FAM47A: variants seen among roughly 807,000 people sequenced by gnomAD.
FAM47A encodes the protein family with sequence similarity 47 member A.
FAM47A carries 1 observed loss-of-function variant against 2.6 expected under a neutral mutation model. The observed-to-expected ratio is 0.39, with a 90% CI of 0.14 to 1.83. The LOEUF is 1.83. Among genes scored for constraint, FAM47A ranks in the 40% most tolerant of loss-of-function variants. The probability of loss-of-function intolerance (pLI) is 0.32; values close to 1 mark genes in which losing one functional copy is unlikely to be tolerated. For missense variants in FAM47A, 657 were observed against 673.1 expected (o/e 0.98, Z 0.26); for synonymous variants, 278 against 270.1 (o/e 1.03, Z -0.29).
In FAM47A at chrX:34,131,387, A is replaced by G. The variant is rs1371093696; in HGVS notation, c.892T>C (p.Cys298Arg). 2.5e-6 allele frequency: 3 copies of G among 1,202,069 alleles called. No individual in the cohort carries two copies. The highest frequency in any genetic ancestry group is 3.7e-5 in the African/African-American group (2 of 54,512). The part of the protein sequence containing the change: ...DEPTEPGKYP[C>R]GKFCPRPFET... ...AAAGGCCGAGGACAGAATTTCCCAC[A>G]AGGGTATTTACCAGGCTCTGTGGGT... The change falls in exon 1 of 1, where the codon TGT becomes CGT. Residue 298 changes from cysteine to arginine, a missense_variant. Transcript: ENST00000346193.
In FAM47A at chrX:34,132,233, C is replaced by A; in HGVS notation, c.46G>T (p.Asp16Tyr). ...TTGTTACAGTACCAGGGCTTGGAGT[C>A]CATGCCCGGGGACCTCAGCCAGTCC... ...LQDWLRSPGM[D>Y]SKPWYCNKRP... The change falls in exon 1 of 1, where the codon GAC becomes TAC. Residue 16 changes from aspartate (D) to tyrosine (Y), a missense_variant. Transcript: ENST00000346193. 8.4e-7 allele frequency: 1 copy of A among 1,194,462 alleles called. No individual in the cohort carries two copies. The highest frequency in any genetic ancestry group is 1.7e-5 in the African/African-American group (1 of 57,273).
At position 34,130,188 on chromosome X, in the gene FAM47A, T is replaced by C; in HGVS notation, c.2091A>G (p.Ala697=). The C allele has an allele frequency of 8.3e-7, 1 of 1,212,068 alleles. No homozygotes were observed. The highest frequency in any genetic ancestry group is 1.1e-6 in the Non-Finnish European group (1 of 895,619). Reference sequence around the variant, plus strand: ...TCCACAACTTAGGCTTGAGGTACCATGCTCCATACTTCATCTTCACACGCT... The same window carrying C: ...TCCACAACTTAGGCTTGAGGTACCACGCTCCATACTTCATCTTCACACGCT... The part of the protein sequence containing the change: ...TAQRVKMKYG[A]WYLKPKLWKK... The change falls in exon 1 of 1, where the codon GCA becomes GCG. Residue 697 remains alanine (A), a synonymous_variant. Transcript: ENST00000346193.
rs761570057 is a variant in FAM47A, at chrX:34,130,351, T to C, written c.1928A>G (p.Lys643Arg). 4 of 1,209,887 alleles carry C rather than the reference T, an allele frequency of 3.3e-6. No individual in the cohort carries two copies. In the African/African-American group the frequency reaches 5.3e-5, roughly 16 times the overall value. Residue 643 changes from lysine (K) to arginine (R), a missense_variant, in exon 1 of 1, where the codon AAG becomes AGG. By Grantham distance (26) the Lys-to-Arg change is conservative. Around this residue, in one of 3 missense-constraint regions of FAM47A, gnomAD observed 198 missense variants for 203.4 expected, o/e 0.97. Transcript: ENST00000346193. ...GGAACACTCCTTTACTTTCTTAAAC[T>C]TTTGGTCCTCATGGGTTGCTCTGTA... ...PKYRATHEDQ[K>R]FKKVKECSSE... is the part of the protein sequence containing the mutation.
rs745953871 is a variant in FAM47A at position 34,132,205 on chromosome X, C to G, written c.74G>C (p.Arg25Pro). Reference protein sequence around the residue: ...MDSKPWYCNKRPSKCFAKCKH... With the variant: ...MDSKPWYCNKPPSKCFAKCKH... ...GCACTTCGCGAAGCACTTGGAAGGC[C>G]GTTTGTTACAGTACCAGGGCTTGGA... The change falls in exon 1 of 1, where the codon CGG (arginine) becomes CCG (proline). Residue 25 changes from arginine (R) to proline (P), a missense_variant. This residue lies in a region of FAM47A where 436 missense variants were observed against 414.1 expected (regional missense o/e 1.05). Coordinates refer to ENST00000346193, the MANE Select transcript of FAM47A (RefSeq NM_203408.4). The G allele has an allele frequency of 1.9e-5, 23 of 1,208,440 alleles. No homozygotes were observed. The highest frequency in any genetic ancestry group is 7.1e-5 in the South Asian group (4 of 56,388).
rs1922485364 is a variant in FAM47A, at chrX:34,131,668, G to A, written c.611C>T (p.Pro204Leu). ...TPVSHLLPEP[P>L]ETGVSHLSPE... ...GCTTAGATGGGACACTCCAGTCTCG[G>A]GAGGCTCTGGGAGGAGATGGGACAC... The change falls in exon 1 of 1, where the codon CCC becomes CTC. Residue 204 changes from proline to leucine, a missense_variant. Physicochemically the swap from Pro to Leu is moderately conservative, Grantham distance 98. Coordinates refer to ENST00000346193, the MANE Select transcript of FAM47A (RefSeq NM_203408.4). 6.6e-6 allele frequency: 8 copies of A among 1,207,532 alleles called. No homozygotes were observed. The highest frequency in any genetic ancestry group is 7.8e-6 in the Non-Finnish European group (7 of 894,272).
Position 34,130,255 on chromosome X carries a change from C to A in FAM47A, c.2024G>T (p.Trp675Leu). The change falls in exon 1 of 1, where the codon TGG becomes TTG. Residue 675 changes from tryptophan (W) to leucine (L), a missense_variant. Trp to Leu is a moderately conservative substitution (Grantham distance 61). Transcript: ENST00000346193. ...CGATGGCGTGTGGAATTTCCTGCCC[C>A]AGTATTTTTCCTGTGAGAAGAATTT... Reference protein sequence around the residue: ...EDKFFSQEKYWGRKFHTPSNS... With the variant: ...EDKFFSQEKYLGRKFHTPSNS... The A allele has an allele frequency of 8.3e-7, 1 of 1,210,296 alleles. No individual in the cohort carries two copies. The highest frequency in any genetic ancestry group is 1.7e-5 in the African/African-American group (1 of 57,746).
rs1922476964 is a variant in FAM47A at position 34,131,525 on chromosome X, G to A, written c.754C>T (p.Pro252Ser). Residue 252 changes from proline (P) to serine (S), a missense_variant, in exon 1 of 1, where the codon CCC becomes TCC. Transcript: ENST00000346193. ...TGVSHIRPGPPITRRRSSLLR... is the reference protein window; with the variant it reads ...TGVSHIRPGPSITRRRSSLLR... ...AGACTGGATCTCCGACGAGTGATGG[G>A]AGGCCCCGGGCGGATATGGGACACT... The A allele has an allele frequency of 5.0e-6, 6 of 1,205,703 alleles. No homozygotes were observed. The highest frequency in any genetic ancestry group is 5.6e-6 in the Non-Finnish European group (5 of 893,880).
rs868604600 is a variant in FAM47A at position 34,130,865 on chromosome X, C to T, written c.1414G>A (p.Glu472Lys). ...GGGTGGGGATGGGACACCTGAGTCT[C>T]GGGAGGCTGCAGGCAGGGTTCCCCA... ...PCGEPCLQPP[E>K]TQVSHPHPEH... Residue 472 changes from glutamate to lysine, a missense_variant, in exon 1 of 1, where the codon GAG becomes AAG. By Grantham distance (56) the Glu-to-Lys change is moderately conservative (BLOSUM62 1). This residue lies in a region of FAM47A where 436 missense variants were observed against 414.1 expected (regional missense o/e 1.05). Transcript: ENST00000346193. 3 of 1,194,670 alleles carry T rather than the reference C, an allele frequency of 2.5e-6. No homozygotes were observed. Among genetic ancestry groups the T allele is most frequent in the Admixed American group, 2.3e-5 (1 of 44,267 alleles).
chrX:34,131,193 G>A lies in FAM47A; in HGVS notation c.1086C>T (p.Leu362=). ...SEPSETGVSR[L]RLAPPKTRRG... ...GACGAGTCTTGGGAGGCGCTAGGCG[G>A]AGACGGGACACTCCAGTCTCGGAAG... The change falls in exon 1 of 1, where the codon CTC becomes CTT. Residue 362 remains leucine, a synonymous_variant. Coordinates refer to ENST00000346193, the MANE Select transcript of FAM47A (RefSeq NM_203408.4). 8.3e-7 allele frequency: 1 copy of A among 1,207,179 alleles called. No individual in the cohort carries two copies. Among genetic ancestry groups the A allele is most frequent in the Non-Finnish European group, 1.1e-6 (1 of 893,693 alleles).
In FAM47A at chrX:34,132,187, G is replaced by C. The variant is rs754262387; in HGVS notation, c.92C>G (p.Ala31Gly). Residue 31 changes from alanine to glycine, a missense_variant, in exon 1 of 1, where the codon GCG becomes GGG. Ala to Gly is a moderately conservative substitution (Grantham distance 60, BLOSUM62 0). This residue lies in a region of FAM47A where 436 missense variants were observed against 414.1 expected (regional missense o/e 1.05). Coordinates refer to ENST00000346193, the MANE Select transcript of FAM47A (RefSeq NM_203408.4). Reference sequence around the variant, plus strand: ...CCTCAGGCGCCTGTGCTTGCACTTCGCGAAGCACTTGGAAGGCCGTTTGTT... The same window carrying C: ...CCTCAGGCGCCTGTGCTTGCACTTCCCGAAGCACTTGGAAGGCCGTTTGTT... ...YCNKRPSKCFAKCKHRRLRFP... is the reference protein window; with the variant it reads ...YCNKRPSKCFGKCKHRRLRFP... The C allele has an allele frequency of 8.3e-7, 1 of 1,210,423 alleles. No individual in the cohort carries two copies. The highest frequency in any genetic ancestry group is 1.8e-5 in the South Asian group (1 of 56,849).
rs775650386 is a variant in FAM47A, at chrX:34,130,959, G to A, written c.1320C>T (p.Asp440=). Residue 440 remains aspartate (D), a synonymous_variant, in exon 1 of 1, where the codon GAC becomes GAT. Transcript: ENST00000346193. ...KVLDSGRTLK[D]VWDRCEARVK... ...CCCGGGCCTCACAACGATCCCATACGTCCTTCAGCGTCCTCCCAGAATCCA... is the reference window on the plus strand; with the variant it reads ...CCCGGGCCTCACAACGATCCCATACATCCTTCAGCGTCCTCCCAGAATCCA... The A allele has an allele frequency of 1.7e-4, 209 of 1,200,696 alleles. No homozygotes were observed. Among genetic ancestry groups the A allele is most frequent in the Non-Finnish European group, 2.3e-4 (204 of 889,523 alleles).
At position 34,130,606 on chromosome X, in the gene FAM47A, G is replaced by T. The variant is rs745403635; in HGVS notation, c.1673C>A (p.Pro558Gln). 3 of 1,211,095 alleles carry T rather than the reference G, an allele frequency of 2.5e-6. No homozygotes were observed. The highest frequency in any genetic ancestry group is 3.5e-5 in the South Asian group (2 of 56,900). ...GGACTCTGGAGCTTTGGGAGGCTCC[G>T]GGTGGAGACTGGACACCCGACGACT... ...PKSRRVSSLH[P>Q]EPPKAPESHQ... Residue 558 changes from proline to glutamine, a missense_variant, in exon 1 of 1, where the codon CCG becomes CAG. By Grantham distance (76) the Pro-to-Gln change is moderately conservative. Coordinates refer to ENST00000346193, the MANE Select transcript of FAM47A (RefSeq NM_203408.4).
At position 34,132,196 on chromosome X, in the gene FAM47A, T is replaced by C; in HGVS notation, c.83A>G (p.Lys28Arg). The C allele has an allele frequency of 8.3e-7, 1 of 1,209,769 alleles. No individual in the cohort carries two copies. Reference sequence around the variant, plus strand: ...CCTGTGCTTGCACTTCGCGAAGCACTTGGAAGGCCGTTTGTTACAGTACCA... The same window carrying C: ...CCTGTGCTTGCACTTCGCGAAGCACCTGGAAGGCCGTTTGTTACAGTACCA... ...KPWYCNKRPS[K>R]CFAKCKHRRL... The change falls in exon 1 of 1, where the codon AAG becomes AGG. Residue 28 changes from lysine (K) to arginine (R), a missense_variant. Transcript: ENST00000346193.
rs372615842 is a variant in FAM47A at position 34,131,238 on chromosome X, C to T, written c.1041G>A (p.Gly347=). 3.6e-5 allele frequency: 44 copies of T among 1,207,132 alleles called. No individual in the cohort carries two copies. In the African/African-American group the frequency reaches 7.1e-4, roughly 19 times the overall value. Reference sequence around the variant, plus strand: ...CGGAAGGCTCCGAGCGGAGACTGGACCCCCGACGAGTCTTGGAATGCTCTA... The same window carrying T: ...CGGAAGGCTCCGAGCGGAGACTGGATCCCCGACGAGTCTTGGAATGCTCTA... ...LRLEHSKTRR[G]SSLRSEPSET... Residue 347 remains glycine, a synonymous_variant, in exon 1 of 1, where the codon GGG becomes GGA. Coordinates refer to ENST00000346193, the MANE Select transcript of FAM47A (RefSeq NM_203408.4).
At position 34,131,338 on chromosome X, in the gene FAM47A, C is replaced by T. The variant is rs745844922; in HGVS notation, c.941G>A (p.Arg314His). 2.4e-5 allele frequency: 29 copies of T among 1,208,344 alleles called. No individual in the cohort carries two copies. In the South Asian group the frequency reaches 2.6e-4, roughly 11 times the overall value. ...CACCGGAGTCTTGGGAGGCTCCTGG[C>T]GGAGATGGGACAGTGGAGTCTCGAA... ...RPFETPLSHL[R>H]QEPPKTPVSS... The change falls in exon 1 of 1, where the codon CGC becomes CAC. Residue 314 changes from arginine (R) to histidine (H), a missense_variant. Physicochemically the swap from Arg to His is conservative, Grantham distance 29. Transcript: ENST00000346193.
chrX:34,130,978 G>A lies in FAM47A; in HGVS notation c.1301C>T (p.Ser434Phe). 1 of 1,200,098 alleles carries A rather than the reference G, an allele frequency of 8.3e-7. No homozygotes were observed. The highest frequency in any genetic ancestry group is 2.3e-4 in the Middle Eastern group (1 of 4,270). The change falls in exon 1 of 1, where the codon TCT becomes TTT. Residue 434 changes from serine to phenylalanine, a missense_variant. Coordinates refer to ENST00000346193, the MANE Select transcript of FAM47A (RefSeq NM_203408.4). Reference protein sequence around the residue: ...LLLYILKVLDSGRTLKDVWDR... With the variant: ...LLLYILKVLDFGRTLKDVWDR... ...CCATACGTCCTTCAGCGTCCTCCCA[G>A]AATCCAGCACTTTCAGTATGTATAG...
Position 34,131,031 on chromosome X carries a change from G to T in FAM47A, c.1248C>A (p.Pro416=), listed in dbSNP as rs377754983. The change falls in exon 1 of 1, where the codon CCC becomes CCA. Residue 416 remains proline, a synonymous_variant. Coordinates refer to ENST00000346193, the MANE Select transcript of FAM47A (RefSeq NM_203408.4). ...GGAGATTGGACACCTGACTAGTGTC[G>T]GGAGGTTCCAGGCGGAGATGGCACA... is the stretch of plus-strand genomic sequence containing the variant. ...TGVCHLRLEP[P]DTSQVSNLLL... The T allele has an allele frequency of 1.7e-6, 2 of 1,191,267 alleles. No homozygotes were observed. Among genetic ancestry groups the T allele is most frequent in the Non-Finnish European group, 2.3e-6 (2 of 885,110 alleles).
In FAM47A at chrX:34,131,113, G is replaced by A. The variant is rs200790787; in HGVS notation, c.1166C>T (p.Pro389Leu). ...PSKTGVSHLSPEPPKTEVSHL... is the reference protein window; with the variant it reads ...PSKTGVSHLSLEPPKTEVSHL... ...AGACACTTCAGTCTTGGGAGGCTCC[G>A]GGCTGAGATGGGACACTCCAGTCTT... Residue 389 changes from proline (P) to leucine (L), a missense_variant, in exon 1 of 1, where the codon CCG (proline) becomes CTG (leucine). Pro to Leu is a moderately conservative substitution (Grantham distance 98, BLOSUM62 -3). Transcript: ENST00000346193. 3.5e-4 allele frequency: 415 copies of A among 1,194,317 alleles called. 3 individuals carry two copies. In the African/African-American group the frequency reaches 5.4e-3, roughly 16 times the overall value.
chrX:34,131,962 T>A lies in FAM47A; in HGVS notation c.317A>T (p.Lys106Met). ...KLLKKAALFS[K>M]LSPAQLARKA... ...CCGTGCTAGCTGGGCTGGAGAGAGCTTGGAAAATAGGGCCGCTTTCTTGAG... is the reference window on the plus strand; with the variant it reads ...CCGTGCTAGCTGGGCTGGAGAGAGCATGGAAAATAGGGCCGCTTTCTTGAG... The change falls in exon 1 of 1, where the codon AAG (lysine) becomes ATG (methionine). Residue 106 changes from lysine to methionine, a missense_variant. Lys to Met is a moderately conservative substitution (Grantham distance 95). Around this residue, in one of 3 missense-constraint regions of FAM47A, gnomAD observed 436 missense variants for 414.1 expected, o/e 1.05. Transcript: ENST00000346193. The A allele has an allele frequency of 8.3e-7, 1 of 1,211,633 alleles. No homozygotes were observed. Among genetic ancestry groups the A allele is most frequent in the Non-Finnish European group, 1.1e-6 (1 of 895,453 alleles).
Sources: gnomAD v4.1 joint callset for allele counts on GRCh38, gnomAD v4.1.1 for gene constraint, gnomAD v4.1.1 regional missense constraint, MANE v1.5 for transcripts, NCBI Gene and HGNC (gene_info 2026-07-23, HGNC 2026-07-21) for gene names.